The following LMNB1 variants were observed in gnomAD, a reference collection of about 807,000 sequenced individuals.
LMNB1 encodes lamin B1, also known as lamin-B1.
Under a neutral mutation model 67.1 loss-of-function variants are expected in LMNB1, and 23 were observed. The ratio of observed to expected loss-of-function variants is 0.34; its 90% CI spans 0.25 to 0.49. The LOEUF is 0.49. Among genes scored for constraint, LMNB1 ranks in the 20% least tolerant of loss-of-function variants. LMNB1 has a pLI of 0.99. For synonymous variants in LMNB1, 281 were observed against 282.9 expected (o/e 0.99, Z 0.07); for missense variants, 634 against 746.5 (o/e 0.85, Z 1.76).
At chr5:126,815,007 T>C (rs1046417974) in intron 5 of LMNB1, among the ~76,000 whole-genome samples, 1 of 152,224 alleles carries the variant, frequency 6.6e-6, no homozygotes, top group Non-Finnish European at 1.5e-5. Context: ...TTTTAATTTC[T>C]CTGGGGTGAA....
chr5:126,826,584 C>A (rs1752003636), intron 9 of LMNB1, among the ~76,000 whole-genome samples: 1 of 152,116 alleles, frequency 6.6e-6, no homozygotes, highest in Non-Finnish European at 1.5e-5. Context: ...GTGGAGTGTA[C>A]ATCTTCTTGG....
chr5:126,831,840 C>T (rs573503355), intron 9 of LMNB1, among the ~76,000 whole-genome samples: 6 of 152,250 alleles, frequency 3.9e-5, no homozygotes, highest in African/African-American at 1.4e-4. Flanking sequence ...GCAGATATTT[C>T]GAATTGGATA....
At chr5:126,783,118 T>C (rs1292242168) in intron 1 of LMNB1, among the ~76,000 whole-genome samples, 2 of 151,872 alleles carry the variant, frequency 1.3e-5, no homozygotes, top group African/African-American at 2.4e-5. Flanking sequence ...GAGAATCTCT[T>C]GAACCCAGCA....
At chr5:126,796,097 C>T (rs967913154) in intron 1 of LMNB1, among the ~76,000 whole-genome samples, 5 of 151,296 alleles carry the variant, frequency 3.3e-5, no homozygotes, top group African/African-American at 1.2e-4. Context: ...TACGCCCGGC[C>T]AATTTTGTAT....
At chr5:126,780,697 T>C (rs1352120908) in intron 1 of LMNB1, among the ~76,000 whole-genome samples, 3 of 152,206 alleles carry the variant, frequency 2.0e-5, no homozygotes. Flanking sequence ...CTTAAGTCTG[T>C]GCTACTGTAT....
rs1299433808 is a variant in LMNB1, at chr5:126,805,606, A to G, written c.552A>G (p.Leu184=). ...CCTTAGCTGCAGCCAAAAAACAGTT[A>G]GCAGATGAAACTTTACTTAAAGTAG... is the stretch of plus-strand genomic sequence containing the variant. ...EASLAAAKKQ[L]ADETLLKVDL... is the part of the protein sequence containing the mutation. The change falls in exon 3 of 11, where the codon TTA becomes TTG. Residue 184 remains leucine (L), a synonymous_variant. Transcript: ENST00000261366. 1 of 1,610,996 alleles carries G rather than the reference A, an allele frequency of 6.2e-7. No homozygotes were observed. Among genetic ancestry groups the G allele is most frequent in the African/African-American group, 1.3e-5 (1 of 75,002 alleles).
chr5:126,777,844 G>T lies in LMNB1; in HGVS notation c.336G>T (p.Ala112=). 6.9e-7 allele frequency: 1 copy of T among 1,445,174 alleles called. No individual in the cohort carries two copies. 89.5% of individuals were successfully genotyped at this position (1,445,174 alleles called of 1,614,324 possible). A position where few individuals can be genotyped will look rare whatever the true frequency, so the allele number is the denominator to read the frequency against. The stretch of plus-strand genomic sequence containing the variant: ...AGATCGAGCTGGGCAAGTGCAAGGC[G>T]GAACACGACCAGCTGCTCCTCAAGT... ...KLQIELGKCK[A]EHDQLLLNYA... is the part of the protein sequence containing the mutation. Residue 112 remains alanine, a synonymous_variant, in exon 1 of 11, where the codon GCG becomes GCT. Coordinates refer to ENST00000261366, the MANE Select transcript of LMNB1 (RefSeq NM_005573.4).
At chr5:126,795,173 A>G (rs1751056322) in intron 1 of LMNB1, among the ~76,000 whole-genome samples, 1 of 131,072 alleles carries the variant, frequency 7.6e-6, no homozygotes, top group Admixed American at 9.2e-5. Flanking sequence ...TGTTGCCCAG[A>G]GCGACAGTGG....
At chr5:126,782,663 C>T (rs1750659697) in intron 1 of LMNB1, among the ~76,000 whole-genome samples, 1 of 152,014 alleles carries the variant, frequency 6.6e-6, no homozygotes, top group South Asian at 2.1e-4. Context: ...AATTCTTCTG[C>T]CTCAGCCTCC....
intron 1 of LMNB1, among the ~76,000 whole-genome samples, chr5:126,794,357 A>G (rs13176752): frequency 6.6e-6 from 1 of 152,220 alleles, no homozygotes. Context: ...GTTGAAGCTG[A>G]TGAGTGGCTG....
intron 3 of LMNB1, among the ~76,000 whole-genome samples, chr5:126,809,881 A>G (rs970076596): frequency 3.3e-5 from 5 of 152,202 alleles, no homozygotes; most frequent in African/African-American, 1.2e-4. Flanking sequence ...CCTTGATTGC[A>G]GATAGTTTTA....
intron 1 of LMNB1, among the ~76,000 whole-genome samples, chr5:126,788,886 G>GT (rs909561155): frequency 6.9e-5 from 8 of 115,468 alleles, no homozygotes; most frequent in South Asian, 3.3e-4. Flanking sequence ...AAGGAGACAA[G>GT]TTTTTTTTTG....
intron 1 of LMNB1, among the ~76,000 whole-genome samples, chr5:126,797,867 G>C (rs1212334635): frequency 2.0e-5 from 3 of 152,082 alleles, no homozygotes; most frequent in Non-Finnish European, 4.4e-5. Context: ...CTTGAGCCCA[G>C]GAGTTTGAAA....
chr5:126,786,737 C>G (rs1479327849), intron 1 of LMNB1, among the ~76,000 whole-genome samples: 1 of 152,090 alleles, frequency 6.6e-6, no homozygotes, highest in African/African-American at 2.4e-5. Flanking sequence ...GGAAATGCTA[C>G]TAGTTGCATG....
chr5:126,805,827 A>T (rs1356781791), intron 3 of LMNB1, 131 bp downstream of exon 3: 1 of 715,996 alleles, frequency 1.4e-6, no homozygotes, highest in Non-Finnish European at 2.1e-6. Context: ...AGAAATAATA[A>T]GGTTTGGGGA....
intron 1 of LMNB1, among the ~76,000 whole-genome samples, chr5:126,800,982 A>ATATATATATATTTTTTTTTT: frequency 3.2e-4 from 6 of 18,630 alleles, no homozygotes; most frequent in Non-Finnish European, 5.2e-4. Flanking sequence ...TATATATATA[A>ATATATATATATTTTTTTTTT]TTTTTTTTTT....
chr5:126,812,855 C>G (rs1203369140), intron 5 of LMNB1, among the ~76,000 whole-genome samples: 5 of 151,814 alleles, frequency 3.3e-5, no homozygotes, highest in African/African-American at 1.2e-4. Context: ...CTCAGCCTCC[C>G]AAGTAGCTGG....
chr5:126,782,470 G>T (rs1750656040), intron 1 of LMNB1, among the ~76,000 whole-genome samples: 2 of 152,192 alleles, frequency 1.3e-5, no homozygotes, highest in African/African-American at 4.8e-5. Flanking sequence ...TTCAGGTCAG[G>T]TTTTGCCACT....
chr5:126,830,517 G>GTAT (rs1219480956), intron 9 of LMNB1, among the ~76,000 whole-genome samples: 1 of 152,100 alleles, frequency 6.6e-6, no homozygotes, highest in East Asian at 1.9e-4. Context: ...ACGGCTTTCT[G>GTAT]TATTAGATTA....
Sources: gnomAD v4.1 joint callset for allele counts (sites outside exome capture counted in the v4.1 genomes callset) on GRCh38, gnomAD v4.1.1 for gene constraint, MANE v1.5 for transcripts, NCBI Gene and HGNC (gene_info 2026-07-23, HGNC 2026-07-21) for gene names.